Variants in MXRA7 observed in about 807,000 individuals in gnomAD.
The protein encoded by MXRA7 is matrix remodeling associated 7.
MXRA7 carries 18 observed loss-of-function variants against 17.4 expected under a neutral mutation model. That is an observed-to-expected ratio of 1.03 (90% CI 0.71 to 1.53). MXRA7 has a LOEUF of 1.53. Among genes scored for constraint, MXRA7 ranks in the 40% most tolerant of loss-of-function variants. The pLI, the probability that MXRA7 is intolerant of heterozygous loss-of-function variation, is 0.00. For missense variants in MXRA7, 141 were observed against 209.3 expected (o/e 0.67, Z 2.01); for synonymous variants, 70 against 101.7 (o/e 0.69, Z 1.87).
chr17:76,704,507 C>CT (rs768459212), intron 1 of MXRA7, among the ~76,000 whole-genome samples: 419 of 140,286 alleles, frequency 3.0e-3, no homozygotes, highest in Non-Finnish European at 4.2e-3. Flanking sequence ...GCCCGGCCAG[C>CT]TTTTTTTTTT....
chr17:76,710,503 T>A, intron 1 of MXRA7, 102 bp downstream of exon 1: 5 of 1,004,284 alleles, frequency 5.0e-6, no homozygotes, highest in Non-Finnish European at 6.3e-6. Flanking sequence ...GGGGGCAGCC[T>A]GGGCTGGAGG....
intron 1 of MXRA7, 131 bp from the exon 2 acceptor site, chr17:76,688,307 G>C (rs2076429907): frequency 6.7e-7 from 1 of 1,487,456 alleles, no homozygotes; most frequent in Non-Finnish European, 8.9e-7. Flanking sequence ...GGCAGCGCCT[G>C]CCCTGTGGTC....
chr17:76,675,162 A>G (rs979549626), downstream of MXRA7: 2 of 152,186 alleles, frequency 1.3e-5, no homozygotes, highest in African/African-American at 4.8e-5. Flanking sequence ...ACTTTTCCCA[A>G]TGCCATCAGG....
chr17:76,682,019 A>C (rs2076312454), intron 3 of MXRA7, among the ~76,000 whole-genome samples: 1 of 152,158 alleles, frequency 6.6e-6, no homozygotes, highest in African/African-American at 2.4e-5. Flanking sequence ...GCAGGATCTT[A>C]AGCAGCAGCT....
chr17:76,690,009 T>TAAAAAAAG (rs71158051), intron 1 of MXRA7: 37,352 of 130,416 alleles, frequency 0.29, 5,905 homozygotes, highest in Non-Finnish European at 0.37. Flanking sequence ...GACTGCATCT[T>TAAAAAAAG]AAAAAAAGAA....
downstream of MXRA7, among the ~76,000 whole-genome samples, chr17:76,678,367 T>G (rs998315727): frequency 6.6e-6 from 1 of 152,226 alleles, no homozygotes; most frequent in Non-Finnish European, 1.5e-5. Flanking sequence ...GCGGGTTCTG[T>G]GCTGGGAGCA....
intron 1 of MXRA7, among the ~76,000 whole-genome samples, chr17:76,704,200 ATTTTTTTTTTTTT>A (rs1162372827): frequency 1.6e-5 from 1 of 63,398 alleles, no homozygotes; most frequent in Non-Finnish European, 2.8e-5. Flanking sequence ...CTTCCTTCAG[ATTTTTTTTTTTTT>A]TTTTTTTTTT....
downstream of MXRA7, chr17:76,677,539 GGGTGGGGACAGCATCA>G: frequency 7.6e-7 from 1 of 1,307,350 alleles, no homozygotes; most frequent in Non-Finnish European, 1.1e-6. Flanking sequence ...CATGGGGCAA[GGGTGGGGACAGCATCA>G]GGCATGGCCG....
At chr17:76,697,934 G>A (rs1433718002) in intron 1 of MXRA7, among the ~76,000 whole-genome samples, 1 of 151,942 alleles carries the variant, frequency 6.6e-6, no homozygotes, top group East Asian at 1.9e-4. Context: ...GATAAGGCGG[G>A]GGGAGGGGAG....
At chr17:76,706,359 A>G (rs34672301) in intron 1 of MXRA7, among the ~76,000 whole-genome samples, 3,692 of 38,866 alleles carry the variant, frequency 0.095, 706 homozygotes, top group African/African-American at 0.13. Flanking sequence ...CCACTCTGCC[A>G]TCACAGAGGC....
downstream of MXRA7, chr17:76,677,629 C>T (rs780630042): frequency 3.3e-5 from 54 of 1,613,318 alleles, no homozygotes; most frequent in Admixed American, 1.7e-4. Context: ...ACGTCGCCGT[C>T]GGACATCTCG....
intron 1 of MXRA7, among the ~76,000 whole-genome samples, chr17:76,699,143 C>T (rs185943273): frequency 3.9e-4 from 59 of 152,246 alleles, no homozygotes; most frequent in Non-Finnish European, 7.5e-4. Context: ...CATCTGCTCT[C>T]CTCCAATTCA....
Position 76,697,256 on chromosome 17 carries a change from C to G in MXRA7, c.343-9080G>C, listed in dbSNP as rs138240207. ...GAGTTGTGAGTGCACAGAGGAAAGA[C>G]CATGTGAGGAGGCGGAGAAGGCGGC... On this transcript the variant is annotated intron_variant, in intron 1 of 3. Transcript: ENST00000449428. Among the ~76,000 whole-genome samples the G allele has an allele frequency of 7.4e-3, 1,119 of 152,188 alleles. 13 individuals are homozygous for G. The highest frequency in any genetic ancestry group is 0.026 in the African/African-American group (1,067 of 41,514).
chr17:76,678,358 C>T (rs923861566), downstream of MXRA7, among the ~76,000 whole-genome samples: 5 of 152,178 alleles, frequency 3.3e-5, no homozygotes, highest in Admixed American at 1.3e-4. Flanking sequence ...TTGCTCCACG[C>T]GGGTTCTGTG....
chr17:76,690,687 C>A (rs1830723219), intron 1 of MXRA7, among the ~76,000 whole-genome samples: 1 of 151,926 alleles, frequency 6.6e-6, no homozygotes. Context: ...TGGTTTCGGC[C>A]CCCAGTTCTT....
intron 1 of MXRA7, among the ~76,000 whole-genome samples, chr17:76,697,684 G>T (rs2076546471): frequency 6.6e-6 from 1 of 152,190 alleles, no homozygotes; most frequent in African/African-American, 2.4e-5. Flanking sequence ...GAAGGCAAAC[G>T]GGACGTGCCT....
intron 1 of MXRA7, among the ~76,000 whole-genome samples, chr17:76,704,445 T>G (rs868507405): frequency 8.9e-4 from 133 of 149,222 alleles, no homozygotes; most frequent in Admixed American, 2.4e-3. Context: ...GACCTCGTGA[T>G]CCGCCCGCCT....
chr17:76,684,037 C>T lies in MXRA7; in HGVS notation c.500+1035G>A, dbSNP rs1238863010. Reference sequence around the variant, plus strand: ...TCCTCCTGGCTGTGCTTACACTGCCCGCCCCCCACCCACCCAGGGTGAAGA... The same window carrying T: ...TCCTCCTGGCTGTGCTTACACTGCCTGCCCCCCACCCACCCAGGGTGAAGA... On this transcript the variant is annotated intron_variant, in intron 3 of 3. Transcript: ENST00000449428. The T allele has an allele frequency of 1.8e-5, 15 of 849,152 alleles. 1 individual carries two copies. The highest frequency in any genetic ancestry group is 1.2e-4 in the South Asian group (9 of 74,564). 52.6% of individuals were successfully genotyped at this position (849,152 alleles called of 1,614,324 possible). A position where few individuals can be genotyped will look rare whatever the true frequency, so the allele number is the denominator to read the frequency against.
In MXRA7 at chr17:76,710,761, G is replaced by A; in HGVS notation, c.186C>T (p.Pro62=). ...GAPAPSRPCA[P]EPAASPAGPE... is the part of the protein sequence containing the mutation. ...GCCCCGCGGGCGAGGCCGCCGGCTCGGGGGCGCAGGGGCGGGACGGCGCCG... is the reference window on the plus strand; with the variant it reads ...GCCCCGCGGGCGAGGCCGCCGGCTCAGGGGCGCAGGGGCGGGACGGCGCCG... Residue 62 remains proline (P), a synonymous_variant, in exon 1 of 4, where the codon CCC becomes CCT. Coordinates refer to ENST00000449428, the MANE Select transcript of MXRA7 (RefSeq NM_198530.4). The A allele has an allele frequency of 2.8e-6, 3 of 1,058,428 alleles. No individual in the cohort carries two copies. The highest frequency in any genetic ancestry group is 2.3e-6 in the Non-Finnish European group (2 of 862,536). The allele number at this position is 1,058,428 out of a possible 1,614,324, so 65.6% of individuals were successfully genotyped here. A position where few individuals can be genotyped will look rare whatever the true frequency, so the allele number is the denominator to read the frequency against.
Sources: allele counts gnomAD v4.1 joint callset (sites outside exome capture counted in the v4.1 genomes callset), GRCh38; gene constraint gnomAD v4.1.1; transcripts MANE v1.5; gene names NCBI Gene and HGNC (gene_info 2026-07-23, HGNC 2026-07-21).